PCDHA7: variants seen among roughly 807,000 people sequenced by gnomAD.
PCDHA7 encodes the protein protocadherin alpha 7.
A neutral mutation model predicts 57.2 loss-of-function variants in PCDHA7; 37 were observed. That is an observed-to-expected ratio of 0.65 (90% CI 0.50 to 0.85). The LOEUF is 0.85. Ranked by LOEUF, PCDHA7 falls within the 40% of genes least tolerant of loss-of-function variation. The pLI, the probability that PCDHA7 is intolerant of heterozygous loss-of-function variation, is 0.00. For synonymous variants in PCDHA7, 553 were observed against 558.8 expected, an observed-to-expected ratio of 0.99 and a Z score of 0.15; for missense variants, 1,188 against 1,241.8, an observed-to-expected ratio of 0.96 and a Z score of 0.65.
At position 141,011,145 on chromosome 5, in the gene PCDHA7, TCTC is replaced by T. The variant is rs1410974061; in HGVS notation, c.*1209_*1211del. The T allele has an allele frequency of 6.5e-6, 1 of 153,734 alleles. No individual in the cohort carries two copies. Among genetic ancestry groups the T allele is most frequent in the Non-Finnish European group, 1.5e-5 (1 of 68,036 alleles). 9.5% of individuals were successfully genotyped at this position (153,734 alleles called of 1,614,324 possible). A position where few individuals can be genotyped will look rare whatever the true frequency, so the allele number is the denominator to read the frequency against. On this transcript the variant is annotated 3_prime_UTR_variant, in exon 4 of 4. Transcript: ENST00000525929. Reference sequence around the variant, plus strand: ...TTATGTGCACTTTGATACACAACCTTCTCTAACCAACTATATATCAAGACCCAA... The same window carrying T: ...TTATGTGCACTTTGATACACAACCTTTAACCAACTATATATCAAGACCCAA...
At chr5:140,928,388 C>T in intron 1 of PCDHA7, 1 of 1,614,012 alleles carries the variant, frequency 6.2e-7, no homozygotes, top group Non-Finnish European at 8.5e-7. Flanking sequence ...AGCTTGCTGG[C>T]AGTGGAATCA....
intron 1 of PCDHA7, chr5:140,841,681 C>G: frequency 6.2e-7 from 1 of 1,613,906 alleles, no homozygotes; most frequent in Non-Finnish European, 8.5e-7. Context: ...TCCATGTGGA[C>G]GTGGAGGTGA....
At chr5:140,957,689 A>G (rs2095375568) in intron 1 of PCDHA7, among the ~76,000 whole-genome samples, 1 of 152,234 alleles carries the variant, frequency 6.6e-6, no homozygotes. Flanking sequence ...TATCTAGACA[A>G]TGAACATTAT....
At chr5:140,929,104 A>G in intron 1 of PCDHA7, 1 of 1,614,240 alleles carries the variant, frequency 6.2e-7, no homozygotes. Flanking sequence ...TCCTTGCATG[A>G]CATCAGCCAC....
chr5:140,927,049 C>T (rs1554203972), intron 1 of PCDHA7: 5 of 1,611,932 alleles, frequency 3.1e-6, no homozygotes, highest in Non-Finnish European at 4.2e-6. Context: ...TATGTCCTCG[C>T]GGAACTTTCG....
At chr5:140,985,607 C>T (rs1554247195) in intron 3 of PCDHA7, among the ~76,000 whole-genome samples, 1 of 152,156 alleles carries the variant, frequency 6.6e-6, no homozygotes, top group Non-Finnish European at 1.5e-5. Flanking sequence ...GAGCCCTTTC[C>T]GTGAACCAGC....
chr5:140,938,979 C>T (rs1485638673), intron 1 of PCDHA7, among the ~76,000 whole-genome samples: 2 of 152,158 alleles, frequency 1.3e-5, no homozygotes, highest in Non-Finnish European at 2.9e-5. Flanking sequence ...TCAAGGCTAT[C>T]CTGGCTTTAT....
intron 1 of PCDHA7, among the ~76,000 whole-genome samples, chr5:140,933,965 T>A (rs1400091615): frequency 2.6e-5 from 4 of 152,064 alleles, no homozygotes; most frequent in Non-Finnish European, 5.9e-5. Flanking sequence ...GTAGTGATGT[T>A]TCCCTTTTCA....
Position 140,870,886 on chromosome 5 carries a change from G to T in PCDHA7, c.2355+34148G>T, listed in dbSNP as rs17844350. On this transcript the variant is annotated intron_variant, in intron 1 of 3. Coordinates refer to ENST00000525929, the MANE Select transcript of PCDHA7 (RefSeq NM_018910.3). ...GGGCCACGTGGTGGCGAAGGTGCGC[G>T]CAGTGGATGCGGACTCAGGCTACAA... 4,395 of 1,613,944 alleles carry T rather than the reference G, an allele frequency of 2.7e-3. 116 individuals are homozygous for T. The East Asian group carries it at 0.058, about 21-fold the overall frequency.
chr5:140,965,857 A>G (rs1563345275), intron 1 of PCDHA7, among the ~76,000 whole-genome samples: 1 of 152,220 alleles, frequency 6.6e-6, no homozygotes, highest in South Asian at 2.1e-4. Context: ...GCACACACTG[A>G]AAATAAGGGC....
chr5:140,956,953 C>G (rs1347983778), intron 1 of PCDHA7, among the ~76,000 whole-genome samples: 1 of 135,202 alleles, frequency 7.4e-6, no homozygotes, highest in Non-Finnish European at 1.7e-5. Flanking sequence ...CATTAAAACA[C>G]TGTAATTAAT....
Position 140,927,881 on chromosome 5 carries a change from T to C in PCDHA7, c.2356-51068T>C, listed in dbSNP as rs781982234. 10 of 1,613,978 alleles carry C rather than the reference T, an allele frequency of 6.2e-6. No homozygotes were observed. Among genetic ancestry groups the C allele is most frequent in the Non-Finnish European group, 8.5e-6 (10 of 1,180,010 alleles). Reference sequence around the variant, plus strand: ...AGCACCGCTAAACTGCTGGTGGAGGTGACTGACGTGAACGATCATGCCCCC... The same window carrying C: ...AGCACCGCTAAACTGCTGGTGGAGGCGACTGACGTGAACGATCATGCCCCC... On this transcript the variant is annotated intron_variant, in intron 1 of 3. Coordinates refer to ENST00000525929, the MANE Select transcript of PCDHA7 (RefSeq NM_018910.3).
intron 3 of PCDHA7, among the ~76,000 whole-genome samples, chr5:140,999,619 G>A (rs2097865766): frequency 6.6e-6 from 1 of 152,146 alleles, no homozygotes; most frequent in Non-Finnish European, 1.5e-5. Flanking sequence ...TTATCAACCA[G>A]GAAACAAGGT....
chr5:141,000,417 A>ATTTT (rs1563652061), intron 3 of PCDHA7, among the ~76,000 whole-genome samples: 4 of 77,746 alleles, frequency 5.1e-5, no homozygotes, highest in African/African-American at 1.1e-4. Flanking sequence ...ATATATATAT[A>ATTTT]TATATTTTTT....
intron 1 of PCDHA7, among the ~76,000 whole-genome samples, chr5:140,846,179 C>T (rs1250648449): frequency 1.3e-5 from 2 of 149,312 alleles, no homozygotes; most frequent in African/African-American, 4.9e-5. Flanking sequence ...CCTGAGTAGG[C>T]GTTTGAGTTC....
Position 140,876,879 on chromosome 5 carries a change from G to C in PCDHA7, c.2355+40141G>C, listed in dbSNP as rs782299548. On this transcript the variant is annotated intron_variant, in intron 1 of 3. Coordinates refer to ENST00000525929, the MANE Select transcript of PCDHA7 (RefSeq NM_018910.3). Reference sequence around the variant, plus strand: ...CAGTGTTCGTGAAGGAGAACAACCCGCCGGGCTGCCACATCTTCACGGTGT... The same window carrying C: ...CAGTGTTCGTGAAGGAGAACAACCCCCCGGGCTGCCACATCTTCACGGTGT... The C allele has an allele frequency of 1.6e-5, 26 of 1,614,032 alleles. 1 individual carries two copies. The highest frequency in any genetic ancestry group is 2.2e-5 in the Non-Finnish European group (26 of 1,180,008).
rs941007574 is a variant in PCDHA7, at chr5:141,010,090, C to T, written c.*153C>T. 1.9e-6 allele frequency: 3 copies of T among 1,612,518 alleles called. No individual in the cohort carries two copies. Among genetic ancestry groups the T allele is most frequent in the Non-Finnish European group, 2.5e-6 (3 of 1,179,284 alleles). ...AAGTTCCCTGTGTCTGTCTAGAACG[C>T]ATTTAACAGGTTTTGTCGTAAAAGC... is the stretch of plus-strand genomic sequence containing the variant. On this transcript the variant is annotated 3_prime_UTR_variant, in exon 4 of 4. Coordinates refer to ENST00000525929, the MANE Select transcript of PCDHA7 (RefSeq NM_018910.3).
At chr5:140,921,920 TTA>T (rs1253318185) in intron 1 of PCDHA7, among the ~76,000 whole-genome samples, 1 of 151,888 alleles carries the variant, frequency 6.6e-6, no homozygotes, top group African/African-American at 2.4e-5. Flanking sequence ...ATGATAAAAC[TTA>T]TAGTCAATAT....
intron 1 of PCDHA7, among the ~76,000 whole-genome samples, chr5:140,896,566 G>A (rs1562891221): frequency 6.7e-6 from 1 of 150,252 alleles, no homozygotes; most frequent in Non-Finnish European, 1.5e-5. Context: ...AAGTAGAGAT[G>A]GGGTTTTGAC....
Sources: allele counts gnomAD v4.1 joint callset (sites outside exome capture counted in the v4.1 genomes callset), GRCh38; gene constraint gnomAD v4.1.1; transcripts MANE v1.5; gene names NCBI Gene and HGNC (gene_info 2026-07-23, HGNC 2026-07-21).